NUDCD1: variants seen among roughly 807,000 people sequenced by gnomAD.
The protein encoded by NUDCD1 is NudC domain containing 1.
NUDCD1 carries 60 observed loss-of-function variants against 67.8 expected under a neutral mutation model. That is an observed-to-expected ratio of 0.88 (90% CI 0.72 to 1.10). NUDCD1 has a LOEUF of 1.10. NUDCD1 is among the 50% of genes least tolerant of loss of function. NUDCD1 has a pLI of 0.00. For missense variants in NUDCD1, 643 were observed against 695.0 expected (o/e 0.93, Z 0.84); for synonymous variants, 244 against 230.8 (o/e 1.06, Z -0.52).
intron 2 of NUDCD1, 100 bp downstream of exon 2, chr8:109,322,209 C>A: frequency 1.7e-6 from 1 of 577,418 alleles, no homozygotes. Context: ...GGTATGTGCA[C>A]CTCACTTCTC....
chr8:109,311,844 T>G (rs1815260954), intron 2 of NUDCD1, among the ~76,000 whole-genome samples: 1 of 151,922 alleles, frequency 6.6e-6, no homozygotes, highest in African/African-American at 2.4e-5. Context: ...TGTATACTGC[T>G]CGGGTGATGG....
intron 2 of NUDCD1, among the ~76,000 whole-genome samples, chr8:109,302,937 T>C (rs1354966288): frequency 6.6e-6 from 1 of 152,114 alleles, no homozygotes; most frequent in Admixed American, 6.5e-5. Context: ...GCTTTCAAGA[T>C]GTACAATAAT....
rs544938165 is a variant in NUDCD1 at position 109,296,657 on chromosome 8, T to A, written c.274-88A>T. 3 of 931,296 alleles carry A rather than the reference T, an allele frequency of 3.2e-6. No individual in the cohort carries two copies. The African/African-American group carries it at 5.0e-5, about 16-fold the overall frequency. The allele number at this position is 931,296 out of a possible 1,614,324, so 57.7% of individuals were successfully genotyped here. ...AATATCTGCGGTGTGGTGGTTTCTC[T>A]CCTTTTTAAGAGTTGGAGTCTAATT... On this transcript the variant is annotated intron_variant, in intron 2 of 9. Coordinates refer to ENST00000239690, the MANE Select transcript of NUDCD1 (RefSeq NM_032869.4).
Position 109,243,243 on chromosome 8 carries a change from C to T in NUDCD1, c.1518G>A (p.Ser506=), listed in dbSNP as rs750223765. The part of the protein sequence containing the change: ...KKFFACAPNY[S]YAALCECLRR... The stretch of plus-strand genomic sequence containing the variant: ...GAAGGCACTCACAAAGGGCTGCATA[C>T]GAGTAATTTGGAGCACAGGCAAAAA... The change falls in exon 10 of 10, where the codon TCG becomes TCA. Residue 506 remains serine (S), a synonymous_variant. Coordinates refer to ENST00000239690, the MANE Select transcript of NUDCD1 (RefSeq NM_032869.4). 16 of 1,608,546 alleles carry T rather than the reference C, an allele frequency of 9.9e-6. No individual in the cohort carries two copies. The highest frequency in any genetic ancestry group is 1.6e-4 in the Middle Eastern group (1 of 6,068).
At chr8:109,296,641 G>A (rs1289289137) in intron 2 of NUDCD1, 72 bp from the exon 3 acceptor site, 12 of 1,024,614 alleles carry the variant, frequency 1.2e-5, no homozygotes, top group Admixed American at 4.9e-5. Context: ...AAATATCTGC[G>A]GTGTGGTGGT....
chr8:109,296,717 A>G, intron 2 of NUDCD1, 148 bp from the exon 3 acceptor site: 2 of 573,280 alleles, frequency 3.5e-6, no homozygotes, highest in Non-Finnish European at 6.0e-6. Context: ...CTACTGATTC[A>G]GTTTTAACAA....
intron 8 of NUDCD1, among the ~76,000 whole-genome samples, chr8:109,249,033 T>C (rs867056166): frequency 6.6e-6 from 1 of 152,176 alleles, no homozygotes; most frequent in Non-Finnish European, 1.5e-5. Flanking sequence ...ACTTTTCCTA[T>C]AGAGTTTGTC....
In NUDCD1 at chr8:109,243,048, G is replaced by A. The variant is rs1813405102; in HGVS notation, c.1713C>T (p.Thr571=). ...ATNERLFVLT[T]KNLFLIKVNT... is the part of the protein sequence containing the mutation. Reference sequence around the variant, plus strand: ...TTACTTTTATTAAAAAGAGGTTTTTGGTAGTAAGAACAAATAATCTCTCAT... The same window carrying A: ...TTACTTTTATTAAAAAGAGGTTTTTAGTAGTAAGAACAAATAATCTCTCAT... Residue 571 remains threonine, a synonymous_variant, in exon 10 of 10, where the codon ACC becomes ACT. Coordinates refer to ENST00000239690, the MANE Select transcript of NUDCD1 (RefSeq NM_032869.4). 6.3e-7 allele frequency: 1 copy of A among 1,598,920 alleles called. No homozygotes were observed. The highest frequency in any genetic ancestry group is 1.3e-5 in the African/African-American group (1 of 74,514).
chr8:109,292,430 TAGAC>T (rs1814731442), intron 4 of NUDCD1, among the ~76,000 whole-genome samples: 1 of 84,630 alleles, frequency 1.2e-5, no homozygotes, highest in African/African-American at 9.1e-5. Context: ...ATCTATTAGA[TAGAC>T]AGATAGCTGT....
chr8:109,302,861 C>T (rs1457294948), intron 2 of NUDCD1, among the ~76,000 whole-genome samples: 1 of 152,138 alleles, frequency 6.6e-6, no homozygotes, highest in African/African-American at 2.4e-5. Flanking sequence ...AACCCACTCC[C>T]TACATTAAAA....
At chr8:109,275,093 G>A (rs559114331) in intron 7 of NUDCD1, among the ~76,000 whole-genome samples, 3 of 151,702 alleles carry the variant, frequency 2.0e-5, no homozygotes, top group East Asian at 3.9e-4. Context: ...GAGAGAGAGC[G>A]CACAATACAT....
intron 4 of NUDCD1, among the ~76,000 whole-genome samples, chr8:109,293,084 A>G (rs746321798): frequency 2.0e-5 from 3 of 152,056 alleles, no homozygotes; most frequent in Non-Finnish European, 4.4e-5. Context: ...ATACCCGTTA[A>G]ATTATTCAAA....
At chr8:109,278,316 A>C (rs1814345289) in intron 6 of NUDCD1, among the ~76,000 whole-genome samples, 1 of 152,260 alleles carries the variant, frequency 6.6e-6, no homozygotes, top group Non-Finnish European at 1.5e-5. Context: ...GCCTGGAATA[A>C]TAGATTTGCA....
intron 8 of NUDCD1, among the ~76,000 whole-genome samples, chr8:109,253,368 C>T (rs1813663082): frequency 6.6e-6 from 1 of 152,152 alleles, no homozygotes; most frequent in Non-Finnish European, 1.5e-5. Context: ...GCAATGTGAT[C>T]ATAATAGCAC....
chr8:109,331,632 T>C (rs1387980784), intron 1 of NUDCD1, among the ~76,000 whole-genome samples: 5 of 152,192 alleles, frequency 3.3e-5, no homozygotes, highest in Non-Finnish European at 7.3e-5. Flanking sequence ...AAGGACAACT[T>C]TGTGAATTTT....
intron 2 of NUDCD1, among the ~76,000 whole-genome samples, chr8:109,320,408 T>C (rs958714730): frequency 9.2e-5 from 14 of 152,182 alleles, no homozygotes; most frequent in African/African-American, 3.4e-4. Context: ...CCCATTTGCT[T>C]TTGAAAGAAG....
intron 1 of NUDCD1, among the ~76,000 whole-genome samples, chr8:109,330,815 CTT>C (rs2130159669): frequency 6.6e-6 from 1 of 152,262 alleles, no homozygotes; most frequent in South Asian, 2.1e-4. Context: ...CATGTTCTCA[CTT>C]GTAAGTGGGA....
intron 2 of NUDCD1, among the ~76,000 whole-genome samples, chr8:109,302,489 G>A (rs1037185886): frequency 6.6e-6 from 1 of 151,910 alleles, no homozygotes; most frequent in Non-Finnish European, 1.5e-5. Context: ...CCCAGGCTGT[G>A]CCTCGCCAGG....
chr8:109,270,090 A>G (rs62512103), intron 8 of NUDCD1, among the ~76,000 whole-genome samples: 3,942 of 7,002 alleles, frequency 0.56, 802 homozygotes, highest in Non-Finnish European at 0.59. Flanking sequence ...GGGTGCCTTA[A>G]GGTGGGGTGT....
Sources: allele counts gnomAD v4.1 joint callset (sites outside exome capture counted in the v4.1 genomes callset), GRCh38; gene constraint gnomAD v4.1.1; transcripts MANE v1.5; gene names NCBI Gene and HGNC (gene_info 2026-07-23, HGNC 2026-07-21).